CTNNA3: variants seen among roughly 807,000 people sequenced by gnomAD.
CTNNA3 encodes the protein catenin alpha 3.
CTNNA3 carries 76 observed loss-of-function variants against 95.7 expected under a neutral mutation model. That is an observed-to-expected ratio of 0.79 (90% CI 0.66 to 0.96). The LOEUF (loss-of-function observed/expected upper bound fraction) is 0.96. Ranked by LOEUF, CTNNA3 falls within the 40% of genes least tolerant of loss-of-function variation. The pLI is 0.00. For missense variants in CTNNA3, 1,191 were observed against 1,089.8 expected (o/e 1.09, Z -1.31); for synonymous variants, 431 against 374.4 (o/e 1.15, Z -1.74).
intron 7 of CTNNA3, among the ~76,000 whole-genome samples, chr10:66,943,732 G>A (rs913043553): frequency 2.6e-5 from 4 of 152,052 alleles, no homozygotes; most frequent in African/African-American, 7.2e-5. Context: ...TTTCAGGTTT[G>A]GTTCCAGAAC....
chr10:67,514,161 A>T (rs910699780), intron 5 of CTNNA3, among the ~76,000 whole-genome samples: 3 of 152,090 alleles, frequency 2.0e-5, no homozygotes, highest in Non-Finnish European at 4.4e-5. Flanking sequence ...TTAGCTGGGC[A>T]TGGTGGTGGA....
chr10:66,251,964 G>A (rs1421176159), intron 13 of CTNNA3, among the ~76,000 whole-genome samples: 3 of 152,054 alleles, frequency 2.0e-5, no homozygotes, highest in African/African-American at 4.8e-5. Context: ...TAAACTCCAG[G>A]CAGTTTGATC....
intron 7 of CTNNA3, among the ~76,000 whole-genome samples, chr10:66,827,983 T>C (rs1169145891): frequency 6.6e-6 from 1 of 152,148 alleles, no homozygotes; most frequent in African/African-American, 2.4e-5. Context: ...CTAATCAAAA[T>C]GTTTGAAGCC....
rs557108482 is a variant in CTNNA3, at chr10:67,682,395, G to A, written c.-6+13605C>T. 7.3e-5 allele frequency among the ~76,000 whole-genome samples: 11 copies of A among 150,828 alleles called. No homozygotes were observed. The South Asian group carries it at 2.3e-3, about 32-fold the overall frequency. On this transcript the variant is annotated intron_variant, in intron 1 of 17. Coordinates refer to ENST00000433211, the MANE Select transcript of CTNNA3 (RefSeq NM_013266.4). The stretch of plus-strand genomic sequence containing the variant: ...GTAAAGGCAATTTATGTAAAAAGAA[G>A]GGCAATGGGTTAATAAGTACTTAGA...
chr10:67,287,183 C>A (rs1300334117), intron 5 of CTNNA3, among the ~76,000 whole-genome samples: 1 of 151,924 alleles, frequency 6.6e-6, no homozygotes, highest in Non-Finnish European at 1.5e-5. Context: ...ACTAAAAATA[C>A]AAAAATTAGC....
intron 12 of CTNNA3, among the ~76,000 whole-genome samples, chr10:66,333,660 A>G (rs569270980): frequency 5.3e-5 from 8 of 151,854 alleles, no homozygotes; most frequent in East Asian, 1.9e-4. Context: ...TATGTGGTCA[A>G]TTTTGGAATA....
At chr10:67,713,702 G>A (rs1035053334) in intron 1 of CTNNA3, among the ~76,000 whole-genome samples, 6 of 152,120 alleles carry the variant, frequency 3.9e-5, no homozygotes, top group South Asian at 2.1e-4. Flanking sequence ...ACCAAATACC[G>A]CATGTTCTCA....
At chr10:67,726,464 T>TCA (rs1564841186) in intron 1 of CTNNA3, among the ~76,000 whole-genome samples, 1 of 41,272 alleles carries the variant, frequency 2.4e-5, no homozygotes. Context: ...ATATGATATA[T>TCA]GATATAATAT....
At chr10:67,589,908 C>A (rs930360676) in intron 3 of CTNNA3, among the ~76,000 whole-genome samples, 1 of 151,982 alleles carries the variant, frequency 6.6e-6, no homozygotes, top group Non-Finnish European at 1.5e-5. Flanking sequence ...TCCCCAACAA[C>A]AAAACTAAAT....
intron 5 of CTNNA3, among the ~76,000 whole-genome samples, chr10:67,339,182 G>C (rs1333898985): frequency 6.6e-6 from 1 of 152,042 alleles, no homozygotes; most frequent in Non-Finnish European, 1.5e-5. Context: ...CATTCTTCAG[G>C]ATAAATTCTA....
intron 7 of CTNNA3, among the ~76,000 whole-genome samples, chr10:67,154,881 C>T (rs76397424): frequency 0.057 from 8,615 of 152,190 alleles, 358 homozygotes; most frequent in South Asian, 0.2. Flanking sequence ...AGGATGTCTG[C>T]ATAAACTGTT....
At chr10:67,635,193 A>G (rs1229830038) in intron 2 of CTNNA3, among the ~76,000 whole-genome samples, 1 of 151,712 alleles carries the variant, frequency 6.6e-6, no homozygotes, top group East Asian at 1.9e-4. Flanking sequence ...CCTACCAACC[A>G]AAAAAAAGGC....
rs570031288 is a variant in CTNNA3 at position 66,365,222 on chromosome 10, C to A, written c.1732+13930G>T. 1.3e-3 allele frequency among the ~76,000 whole-genome samples: 204 copies of A among 152,214 alleles called. 1 individual carries two copies. The highest frequency in any genetic ancestry group is 6.8e-3 in the Middle Eastern group (2 of 294). ...ATGCAGCCATAAAAAAGGATGAGTT[C>A]ATGTCCTTTGCAGAGACATGGATGA... On this transcript the variant is annotated intron_variant, in intron 12 of 17. Transcript: ENST00000433211.
chr10:67,063,814 A>AT lies in CTNNA3; in HGVS notation c.1047+116502dup, dbSNP rs1855903054. Among the ~76,000 whole-genome samples the AT allele has an allele frequency of 4.6e-5, 7 of 152,344 alleles. No individual in the cohort carries two copies. In the South Asian group the frequency reaches 1.4e-3, roughly 32 times the overall value. On this transcript the variant is annotated intron_variant, in intron 7 of 17. Transcript: ENST00000433211. Reference sequence around the variant, plus strand: ...TTGGAGAAGATCTCTAAGTTGCTGAATCCCACAAAGACTTTAAAAAGGTAG... The same window carrying AT: ...TTGGAGAAGATCTCTAAGTTGCTGAATTCCCACAAAGACTTTAAAAAGGTAG...
At chr10:66,894,501 A>G (rs1235436455) in intron 7 of CTNNA3, among the ~76,000 whole-genome samples, 1 of 152,120 alleles carries the variant, frequency 6.6e-6, no homozygotes, top group Non-Finnish European at 1.5e-5. Context: ...TTTAAAAGTT[A>G]TCTAAAAGAC....
intron 13 of CTNNA3, among the ~76,000 whole-genome samples, chr10:66,277,538 GA>G (rs1415807748): frequency 6.6e-6 from 1 of 152,064 alleles, no homozygotes; most frequent in East Asian, 1.9e-4. Flanking sequence ...GTGAAAAAGG[GA>G]CAGTCTTTAA....
intron 7 of CTNNA3, among the ~76,000 whole-genome samples, chr10:66,835,737 C>T (rs1842863914): frequency 6.6e-6 from 1 of 152,164 alleles, no homozygotes; most frequent in Non-Finnish European, 1.5e-5. Flanking sequence ...GGTCATGATA[C>T]AGTTAATTAA....
chr10:67,678,311 T>C (rs1840569382), intron 1 of CTNNA3, among the ~76,000 whole-genome samples: 1 of 152,202 alleles, frequency 6.6e-6, no homozygotes. Context: ...GAAAGTTGAC[T>C]GAAGTGACAG....
At chr10:67,108,399 G>T (rs915396486) in intron 7 of CTNNA3, among the ~76,000 whole-genome samples, 6 of 151,922 alleles carry the variant, frequency 3.9e-5, no homozygotes, top group Admixed American at 3.9e-4. Context: ...TCATTCACGG[G>T]TATTTGTTCA....
Sources: gnomAD v4.1 joint callset for allele counts (sites outside exome capture counted in the v4.1 genomes callset) on GRCh38, gnomAD v4.1.1 for gene constraint, MANE v1.5 for transcripts, NCBI Gene and HGNC (gene_info 2026-07-23, HGNC 2026-07-21) for gene names.